KNL1: variants seen among roughly 807,000 people sequenced by gnomAD.
KNL1 encodes the protein kinetochore scaffold 1, also known as outer kinetochore KNL1 complex subunit KNL1.
In KNL1, 66 loss-of-function variants were observed where a neutral mutation model predicts 201.3. The ratio of observed to expected loss-of-function variants is 0.33; its 90% CI spans 0.27 to 0.40. The LOEUF (loss-of-function observed/expected upper bound fraction) is 0.40. Among genes scored for constraint, KNL1 ranks in the 10% least tolerant of loss-of-function variants. KNL1 has a pLI of 1.00. For synonymous variants in KNL1, 895 were observed against 899.2 expected (o/e 1.00, Z 0.08); for missense variants, 2,815 against 2,690.5 (o/e 1.05, Z -1.02).
intron 14 of KNL1, among the ~76,000 whole-genome samples, chr15:40,642,103 G>T (rs1479340726): frequency 6.6e-6 from 1 of 152,144 alleles, no homozygotes; most frequent in African/African-American, 2.4e-5. Flanking sequence ...TTTTTCAAAA[G>T]AATTATGTAG....
intron 13 of KNL1, among the ~76,000 whole-genome samples, chr15:40,639,487 A>C (rs1893155999): frequency 6.6e-6 from 1 of 151,098 alleles, no homozygotes; most frequent in African/African-American, 2.4e-5. Context: ...GTGGAGGCTG[A>C]GGCAGGAGAA....
At position 40,640,896 on chromosome 15, in the gene KNL1, G is replaced by A. The variant is rs1208465866; in HGVS notation, c.5683-16G>A. ...TGCAAGATACCAGTTCTCAGGGACTGAATTTTTTTTTCCAGTTTACTGTAA... is the reference window on the plus strand; with the variant it reads ...TGCAAGATACCAGTTCTCAGGGACTAAATTTTTTTTTCCAGTTTACTGTAA... On this transcript the variant is annotated splice_polypyrimidine_tract_variant and intron_variant, in intron 13 of 25. Transcript: ENST00000399668. 2.6e-5 allele frequency: 39 copies of A among 1,504,684 alleles called. No homozygotes were observed. The highest frequency in any genetic ancestry group is 3.6e-5 in the Non-Finnish European group (39 of 1,085,124). The allele number at this position is 1,504,684 out of a possible 1,614,324, so 93.2% of individuals were successfully genotyped here. A position where few individuals can be genotyped will look rare whatever the true frequency, so the allele number is the denominator to read the frequency against.
Position 40,627,946 on chromosome 15 carries a change from C to T in KNL1, c.5377-124C>T, listed in dbSNP as rs6492957. ...ATGTTTGTTACTTATTCTAATTCTT[C>T]ACTAAGATATTTCATATGAATTATA... On this transcript the variant is annotated intron_variant, in intron 10 of 25. Transcript: ENST00000399668. 552,083 of 662,306 alleles carry T rather than the reference C, an allele frequency of 0.83. 233,908 individuals are homozygous for T. Among genetic ancestry groups the T allele is most frequent in the African/African-American group, 0.94 (50,984 of 54,130 alleles). 41.0% of individuals were successfully genotyped at this position (662,306 alleles called of 1,614,324 possible). A position where few individuals can be genotyped will look rare whatever the true frequency, so the allele number is the denominator to read the frequency against.
intron 24 of KNL1, among the ~76,000 whole-genome samples, chr15:40,657,845 G>A (rs1283393274): frequency 6.6e-6 from 1 of 152,082 alleles, no homozygotes; most frequent in Non-Finnish European, 1.5e-5. Context: ...TCCAAATAAG[G>A]TCACTTTCTG....
Position 40,602,897 on chromosome 15 carries a change from A to G in KNL1, c.-17-18A>G, listed in dbSNP as rs757174838. On this transcript the variant is annotated intron_variant, in intron 1 of 25. Transcript: ENST00000399668. ...TTCCTTTTTCCTCATGTTTTCTAAT[A>G]TTGTATATTTGTTACAGAAAAGTTT... 1 of 1,384,910 alleles carries G rather than the reference A, an allele frequency of 7.2e-7. No individual in the cohort carries two copies. Among genetic ancestry groups the G allele is most frequent in the East Asian group, 2.3e-5 (1 of 43,622 alleles). 85.8% of individuals were successfully genotyped at this position (1,384,910 alleles called of 1,614,324 possible). A position where few individuals can be genotyped will look rare whatever the true frequency, so the allele number is the denominator to read the frequency against.
chr15:40,659,346 C>A lies in KNL1; in HGVS notation c.6721C>A (p.Leu2241Ile). ...GGATCTTGTCTTTTACAGATTGAGACTTTTATTCTCTAGCTCCGCAGCATT... is the reference window on the plus strand; with the variant it reads ...GGATCTTGTCTTTTACAGATTGAGAATTTTATTCTCTAGCTCCGCAGCATT... ...NIDINNNELR[L>I]LFSSSAAFAK... The change falls in exon 25 of 26, where the codon CTT (leucine) becomes ATT (isoleucine). Residue 2241 changes from leucine to isoleucine, a missense_variant. Leu to Ile is a conservative substitution (Grantham distance 5, BLOSUM62 2). Transcript: ENST00000399668. 6.2e-7 allele frequency: 1 copy of A among 1,610,564 alleles called. No homozygotes were observed. The highest frequency in any genetic ancestry group is 8.5e-7 in the Non-Finnish European group (1 of 1,177,554).
chr15:40,639,780 A>G (rs964451533), intron 13 of KNL1, among the ~76,000 whole-genome samples: 3 of 151,868 alleles, frequency 2.0e-5, no homozygotes, highest in Admixed American at 2.0e-4. Context: ...TCAAAAAAAA[A>G]AAGGCTAGTC....
At position 40,620,718 on chromosome 15, in the gene KNL1, G is replaced by A. The variant is rs1239964103; in HGVS notation, c.454G>A (p.Asp152Asn). The A allele has an allele frequency of 6.2e-7, 1 of 1,607,906 alleles. No homozygotes were observed. The highest frequency in any genetic ancestry group is 8.5e-7 in the Non-Finnish European group (1 of 1,178,068). Residue 152 changes from aspartate (D) to asparagine (N), a missense_variant, in exon 10 of 26, where the codon GAC becomes AAC. Physicochemically the swap from Asp to Asn is conservative, Grantham distance 23. This residue lies in a region of KNL1 where 2,464 missense variants were observed against 2,291.7 expected (regional missense o/e 1.08). Transcript: ENST00000399668. Reference sequence around the variant, plus strand: ...CATTTTTTCAGATGAAAACCAGATGGACCTGACATCAAGTCACACTGTAAT... The same window carrying A: ...CATTTTTTCAGATGAAAACCAGATGAACCTGACATCAAGTCACACTGTAAT... ...TVIFSDENQM[D>N]LTSSHTVMIT...
intron 4 of KNL1, among the ~76,000 whole-genome samples, chr15:40,607,626 T>C (rs1892017697): frequency 2.6e-5 from 4 of 152,212 alleles, no homozygotes; most frequent in Admixed American, 2.6e-4. Context: ...GTATGGTATT[T>C]ATGTGAGTAG....
At position 40,624,165 on chromosome 15, in the gene KNL1, A is replaced by G. The variant is rs1425547301; in HGVS notation, c.3901A>G (p.Asn1301Asp). 6.2e-7 allele frequency: 1 copy of G among 1,613,982 alleles called. No individual in the cohort carries two copies. Among genetic ancestry groups the G allele is most frequent in the Non-Finnish European group, 8.5e-7 (1 of 1,179,926 alleles). ...HATAVCGSSD[N>D]YSCLPNVISC... ...AACTGCTGTTTGTGGATCCAGTGATAATTATTCCTGTTTACCAAATGTTAT... is the reference window on the plus strand; with the variant it reads ...AACTGCTGTTTGTGGATCCAGTGATGATTATTCCTGTTTACCAAATGTTAT... The change falls in exon 10 of 26, where the codon AAT (asparagine) becomes GAT (aspartate). Residue 1301 changes from asparagine to aspartate, a missense_variant. Around this residue, in one of 3 missense-constraint regions of KNL1, gnomAD observed 2,464 missense variants for 2,291.7 expected, o/e 1.08. Coordinates refer to ENST00000399668, the MANE Select transcript of KNL1 (RefSeq NM_144508.5).
Position 40,628,616 on chromosome 15 carries a change from C to A in KNL1, c.5521C>A (p.Arg1841Ser), listed in dbSNP as rs768049459. The change falls in exon 12 of 26, where the codon CGC becomes AGC. Residue 1841 changes from arginine to serine, a missense_variant. Physicochemically the swap from Arg to Ser is moderately radical, Grantham distance 110. Around this residue, in one of 3 missense-constraint regions of KNL1, gnomAD observed 2,464 missense variants for 2,291.7 expected, o/e 1.08. Coordinates refer to ENST00000399668, the MANE Select transcript of KNL1 (RefSeq NM_144508.5). The stretch of plus-strand genomic sequence containing the variant: ...AGAATTTGCTTTACTTCTAGCTTAC[C>A]GCAGTAGTCAAATGGAATCACAGTT... Reference protein sequence around the residue: ...DGTSLDFSTYRSSQMESQFLR... With the variant: ...DGTSLDFSTYSSSQMESQFLR... 14 of 1,597,480 alleles carry A rather than the reference C, an allele frequency of 8.8e-6. No individual in the cohort carries two copies. The highest frequency in any genetic ancestry group is 1.2e-5 in the Non-Finnish European group (14 of 1,169,478).
At position 40,623,074 on chromosome 15, in the gene KNL1, G is replaced by A; in HGVS notation, c.2810G>A (p.Arg937Lys). Residue 937 changes from arginine (R) to lysine (K), a missense_variant, in exon 10 of 26, where the codon AGG becomes AAG. Arg to Lys is a conservative substitution (Grantham distance 26). Coordinates refer to ENST00000399668, the MANE Select transcript of KNL1 (RefSeq NM_144508.5). ...GTCTCACCAGATGAAATAACTACTAGGCCTATGGACAAAACTGTAGTGTTT... is the reference window on the plus strand; with the variant it reads ...GTCTCACCAGATGAAATAACTACTAAGCCTATGGACAAAACTGTAGTGTTT... ...KTVSPDEITTRPMDKTVVFVD... is the reference protein window; with the variant it reads ...KTVSPDEITTKPMDKTVVFVD... 3.1e-6 allele frequency: 5 copies of A among 1,613,864 alleles called. No individual in the cohort carries two copies. The highest frequency in any genetic ancestry group is 4.2e-6 in the Non-Finnish European group (5 of 1,179,888).
intron 1 of KNL1, among the ~76,000 whole-genome samples, chr15:40,600,587 G>C (rs1214121688): frequency 6.6e-6 from 1 of 152,190 alleles, no homozygotes; most frequent in Non-Finnish European, 1.5e-5. Flanking sequence ...CAGGTGGATC[G>C]AAGCACATCA....
At chr15:40,632,668 T>C (rs574737038) in intron 13 of KNL1, among the ~76,000 whole-genome samples, 4 of 152,286 alleles carry the variant, frequency 2.6e-5, no homozygotes, top group South Asian at 4.1e-4. Flanking sequence ...ATCATACATC[T>C]GATAAGAAGC....
At chr15:40,657,228 A>G in intron 23 of KNL1, 77 bp downstream of exon 23, 2 of 1,059,532 alleles carry the variant, frequency 1.9e-6, no homozygotes, top group Non-Finnish European at 2.9e-6. Flanking sequence ...CTTTACATAA[A>G]TAATAGTGGA....
chr15:40,620,985 A>G lies in KNL1; in HGVS notation c.721A>G (p.Ile241Val). The G allele has an allele frequency of 4.4e-6, 7 of 1,604,234 alleles. No homozygotes were observed. The highest frequency in any genetic ancestry group is 1.1e-5 in the South Asian group (1 of 89,676). ...PDVPDKENFE[I>V]PIYSKEPNSA... The stretch of plus-strand genomic sequence containing the variant: ...TGTGCCTGATAAAGAAAATTTTGAG[A>G]TACCTATTTATTCCAAGGAACCGAA... Residue 241 changes from isoleucine to valine, a missense_variant, in exon 10 of 26, where the codon ATA becomes GTA. Coordinates refer to ENST00000399668, the MANE Select transcript of KNL1 (RefSeq NM_144508.5).
At chr15:40,617,386 T>G (rs975166864) in intron 8 of KNL1, among the ~76,000 whole-genome samples, 2 of 152,142 alleles carry the variant, frequency 1.3e-5, no homozygotes, top group East Asian at 1.9e-4. Flanking sequence ...AACTAACTGC[T>G]CAGTCCATGA....
chr15:40,630,014 A>G (rs187570482), intron 13 of KNL1, among the ~76,000 whole-genome samples: 106 of 152,246 alleles, frequency 7.0e-4, no homozygotes, highest in Middle Eastern at 6.8e-3. Flanking sequence ...GAGGTTTTTA[A>G]TGAACAGTTT....
At chr15:40,620,586 C>G in intron 9 of KNL1, 54 bp from the exon 10 acceptor site, 1 of 1,161,976 alleles carries the variant, frequency 8.6e-7, no homozygotes, top group Non-Finnish European at 1.2e-6. Context: ...TTGTAAAATG[C>G]CTTTTTAAAA....
Sources: gnomAD v4.1 joint callset for allele counts (sites outside exome capture counted in the v4.1 genomes callset) on GRCh38, gnomAD v4.1.1 for gene constraint, gnomAD v4.1.1 regional missense constraint, MANE v1.5 for transcripts, NCBI Gene and HGNC (gene_info 2026-07-23, HGNC 2026-07-21) for gene names.